Variants in BCCIP observed in about 807,000 individuals in gnomAD.
BCCIP encodes BRCA2 and CDKN1A-interacting protein.
In BCCIP, 23 loss-of-function variants were observed where a neutral mutation model predicts 32.8. The ratio of observed to expected loss-of-function variants is 0.70; its 90% CI spans 0.51 to 0.99. The LOEUF is 0.99. Among genes scored for constraint, BCCIP ranks in the 50% least tolerant of loss-of-function variants. BCCIP has a pLI of 0.00. For synonymous variants in BCCIP, 144 were observed against 137.6 expected, an observed-to-expected ratio of 1.05 and a Z score of -0.33; for missense variants, 378 against 379.8, an observed-to-expected ratio of 1.00 and a Z score of 0.04.
At chr10:125,838,459 A>G (rs1854771563), downstream of BCCIP, 5 of 1,349,018 alleles carry the variant, frequency 3.7e-6, no homozygotes, top group South Asian at 8.5e-5. Flanking sequence ...ATGTTTGTTG[A>G]AAAAAATACC....
intron 6 of BCCIP, among the ~76,000 whole-genome samples, chr10:125,835,112 G>A (rs1467646012): frequency 4.4e-4 from 67 of 151,558 alleles, no homozygotes; most frequent in Non-Finnish European, 8.2e-4. Flanking sequence ...CAGCCTGGGC[G>A]ACAGAGCGAG....
downstream of BCCIP, chr10:125,838,302 G>A: frequency 6.2e-7 from 1 of 1,613,934 alleles, no homozygotes; most frequent in Non-Finnish European, 8.5e-7. Flanking sequence ...CTTGGTGATT[G>A]AGTAACCAGA....
chr10:125,836,319 C>G lies in BCCIP; in HGVS notation c.*45C>G, dbSNP rs769429852. 1 of 1,612,098 alleles carries G rather than the reference C, an allele frequency of 6.2e-7. No individual in the cohort carries two copies. Among genetic ancestry groups the G allele is most frequent in the East Asian group, 2.2e-5 (1 of 44,868 alleles). ...GATGGGCTTGTTTTTGTAAAATTAC[C>G]AGAAAACTCAGTGGAGATTTACTGA... is the stretch of plus-strand genomic sequence containing the variant. On this transcript the variant is annotated 3_prime_UTR_variant, in exon 7 of 7. Transcript: ENST00000278100.
intron 7 of BCCIP, chr10:125,852,689 C>T: frequency 6.6e-7 from 1 of 1,523,336 alleles, no homozygotes; most frequent in Non-Finnish European, 8.9e-7. Flanking sequence ...AGTCATGATT[C>T]AGTAGGCTCA....
At chr10:125,844,946 C>T (rs1264651825), downstream of BCCIP, among the ~76,000 whole-genome samples, 1 of 152,246 alleles carries the variant, frequency 6.6e-6, no homozygotes, top group Non-Finnish European at 1.5e-5. Context: ...GCTATCATTA[C>T]AGTATTTCTT....
At position 125,823,572 on chromosome 10, in the gene BCCIP, T is replaced by G; in HGVS notation, c.15T>G (p.Ser5=). 1 of 1,613,832 alleles carries G rather than the reference T, an allele frequency of 6.2e-7. No individual in the cohort carries two copies. The highest frequency in any genetic ancestry group is 8.5e-7 in the Non-Finnish European group (1 of 1,179,904). The change falls in exon 1 of 7, where the codon TCT becomes TCG. Residue 5 remains serine (S), a synonymous_variant. Transcript: ENST00000278100. ...TGAGCGGCAACATGGCGTCCAGGTC[T>G]AAGCGGCGTGCCGTGGAAAGTGGGG... The part of the protein sequence containing the change: MASR[S]KRRAVESGVP...
chr10:125,833,858 C>T lies in BCCIP; in HGVS notation c.686C>T (p.Ala229Val). Residue 229 changes from alanine to valine, a missense_variant, in exon 6 of 7, where the codon GCA becomes GTA. Ala to Val is a moderately conservative substitution (Grantham distance 64, BLOSUM62 0). Coordinates refer to ENST00000278100, the MANE Select transcript of BCCIP (RefSeq NM_078468.3). ...CTGATTAGTAAGACATTTGTGGAAG[C>T]AGGAAAAAACAATTCCAAAAAGAAA... ...YLLISKTFVE[A>V]GKNNSKKKPS... 1 of 1,614,114 alleles carries T rather than the reference C, an allele frequency of 6.2e-7. No homozygotes were observed. The highest frequency in any genetic ancestry group is 8.5e-7 in the Non-Finnish European group (1 of 1,180,024).
In BCCIP at chr10:125,833,795, G is replaced by C. The variant is rs1314945005; in HGVS notation, c.623G>C (p.Arg208Thr). Residue 208 changes from arginine (R) to threonine (T), a missense_variant, in exon 6 of 7, where the codon AGA becomes ACA. Arg to Thr is a moderately conservative substitution (Grantham distance 71, BLOSUM62 -1). Transcript: ENST00000278100. ...AGGAAAGAACTGGCGGGGGCACACA[G>C]AACCAATAAGCCATGTGGGAAGTGC... Reference protein sequence around the residue: ...QLQKELAGAHRTNKPCGKCYF... With the variant: ...QLQKELAGAHTTNKPCGKCYF... The C allele has an allele frequency of 5.0e-6, 8 of 1,614,150 alleles. No homozygotes were observed. The highest frequency in any genetic ancestry group is 6.8e-6 in the Non-Finnish European group (8 of 1,180,036).
At chr10:125,835,793 C>A (rs1257637013) in intron 6 of BCCIP, among the ~76,000 whole-genome samples, 1 of 152,028 alleles carries the variant, frequency 6.6e-6, no homozygotes, top group East Asian at 1.9e-4. Context: ...TTTTACAAGT[C>A]TTAATTTCAT....
At chr10:125,830,891 T>G (rs1345775290) in intron 4 of BCCIP, among the ~76,000 whole-genome samples, 1 of 152,200 alleles carries the variant, frequency 6.6e-6, no homozygotes, top group Non-Finnish European at 1.5e-5. Context: ...GTCCTGATGT[T>G]GGTACTGATG....
downstream of BCCIP, chr10:125,841,346 C>A (rs1854874585): frequency 6.2e-7 from 1 of 1,613,976 alleles, no homozygotes; most frequent in South Asian, 1.1e-5. Context: ...TCTGTTCCCC[C>A]AGTATTAGAA....
At chr10:125,843,180 T>G (rs1278066077), downstream of BCCIP, among the ~76,000 whole-genome samples, 1 of 152,092 alleles carries the variant, frequency 6.6e-6, no homozygotes, top group Non-Finnish European at 1.5e-5. Context: ...TGGTTTTGTT[T>G]TAGTTCCAGT....
At chr10:125,839,866 C>T (rs148523807), downstream of BCCIP, among the ~76,000 whole-genome samples, 306 of 152,276 alleles carry the variant, frequency 2.0e-3, no homozygotes, top group African/African-American at 7.1e-3. Context: ...CCTGTCCTGT[C>T]CACTCATGCT....
downstream of BCCIP, chr10:125,838,375 C>T (rs1854767814): frequency 2.5e-6 from 4 of 1,576,704 alleles, no homozygotes; most frequent in African/African-American, 1.4e-5. Flanking sequence ...GATCCATCAA[C>T]ATCCCGAGCA....
downstream of BCCIP, chr10:125,836,680 T>C (rs372141280): frequency 1.0e-4 from 166 of 1,613,252 alleles, no homozygotes; most frequent in African/African-American, 2.0e-3. Flanking sequence ...TTGTGTTTGC[T>C]GGGGAGTCAC....
At position 125,826,787 on chromosome 10, in the gene BCCIP, C is replaced by T. The variant is rs902422164; in HGVS notation, c.240+122C>T. 4.5e-5 allele frequency: 65 copies of T among 1,447,744 alleles called. 1 individual carries two copies. The African/African-American group carries it at 8.2e-4, about 18-fold the overall frequency. 89.7% of individuals were successfully genotyped at this position (1,447,744 alleles called of 1,614,324 possible). On this transcript the variant is annotated intron_variant, in intron 2 of 6. Transcript: ENST00000278100. The stretch of plus-strand genomic sequence containing the variant: ...GGCCGAGGTGAGAGGATTGCTTGAG[C>T]CCAGGAGTTTGAGACCAGCCTGGGC...
Position 125,834,989 on chromosome 10 carries a change from C to T in BCCIP, c.774+1043C>T, listed in dbSNP as rs531441565. ...CTACTAAAAAATACAAAAAATTAGC[C>T]GGGCGTGGTGGCACGTGCCTGTAGT... On this transcript the variant is annotated intron_variant, in intron 6 of 6. Coordinates refer to ENST00000278100, the MANE Select transcript of BCCIP (RefSeq NM_078468.3). Among the ~76,000 whole-genome samples the T allele has an allele frequency of 7.9e-4, 119 of 151,476 alleles. 1 individual carries two copies. In the East Asian group the frequency reaches 0.016, roughly 21 times the overall value.
chr10:125,849,345 T>G (rs1944061892), intron 7 of BCCIP, among the ~76,000 whole-genome samples: 1 of 152,220 alleles, frequency 6.6e-6, no homozygotes, highest in South Asian at 2.1e-4. Flanking sequence ...CCAAAAGTAC[T>G]TCCATTCTGG....
intron 2 of BCCIP, among the ~76,000 whole-genome samples, 198 bp downstream of exon 2, chr10:125,826,863 G>A (rs1049569901): frequency 6.6e-6 from 1 of 152,006 alleles, no homozygotes; most frequent in African/African-American, 2.4e-5. Flanking sequence ...AGCCAACTGT[G>A]GTAGCACACA....
Sources: gnomAD v4.1 joint callset for allele counts (sites outside exome capture counted in the v4.1 genomes callset) on GRCh38, gnomAD v4.1.1 for gene constraint, MANE v1.5 for transcripts, NCBI Gene and HGNC (gene_info 2026-07-23, HGNC 2026-07-21) for gene names.